Variants in RNF144A observed in about 807,000 individuals in gnomAD.
RNF144A encodes the protein E3 ubiquitin-protein ligase RNF144A.
In RNF144A, 11 loss-of-function variants were observed where a neutral mutation model predicts 38.7. That is an observed-to-expected ratio of 0.28 (90% CI 0.18 to 0.47). The LOEUF is 0.47. Ranked by LOEUF, RNF144A falls within the 20% of genes least tolerant of loss-of-function variation. The pLI, the probability that RNF144A is intolerant of heterozygous loss-of-function variation, is 0.99. For synonymous variants in RNF144A, 149 were observed against 143.9 expected, an observed-to-expected ratio of 1.04 and a Z score of -0.25; for missense variants, 316 against 377.2, an observed-to-expected ratio of 0.84 and a Z score of 1.34.
At chr2:7,053,700 A>G (rs1673615849) in intron 6 of RNF144A, among the ~76,000 whole-genome samples, 1 of 152,240 alleles carries the variant, frequency 6.6e-6, no homozygotes, top group African/African-American at 2.4e-5. Context: ...GTTTTTGTGT[A>G]TATGTATACA....
chr2:6,922,916 G>A (rs771280), intron 1 of RNF144A, among the ~76,000 whole-genome samples: 30,826 of 152,052 alleles, frequency 0.2, 3,545 homozygotes, highest in Non-Finnish European at 0.25. Context: ...GAGCCACCGC[G>A]CCCGGCCTCC....
chr2:6,947,068 T>A (rs1308678362), intron 2 of RNF144A, among the ~76,000 whole-genome samples: 5 of 152,174 alleles, frequency 3.3e-5, no homozygotes, highest in African/African-American at 1.2e-4. Context: ...TCTGTGTATG[T>A]ATGTGAACAA....
intron 3 of RNF144A, among the ~76,000 whole-genome samples, chr2:7,003,108 C>T (rs182318102): frequency 6.0e-5 from 9 of 149,700 alleles, no homozygotes; most frequent in Admixed American, 5.3e-4. Flanking sequence ...TATATATACA[C>T]ATATATATAT....
intron 3 of RNF144A, among the ~76,000 whole-genome samples, chr2:7,005,904 C>T (rs1670408557): frequency 6.7e-6 from 1 of 149,414 alleles, no homozygotes; most frequent in Admixed American, 6.7e-5. Context: ...CTGCTCCTTG[C>T]ATATCTGCCA....
chr2:7,008,187 G>C (rs1056144489), intron 3 of RNF144A, among the ~76,000 whole-genome samples: 1 of 152,246 alleles, frequency 6.6e-6, no homozygotes. Flanking sequence ...TGCCTCTTTG[G>C]CTGCCGCCCA....
At chr2:7,004,251 G>T (rs1347221296) in intron 3 of RNF144A, among the ~76,000 whole-genome samples, 1 of 152,260 alleles carries the variant, frequency 6.6e-6, no homozygotes, top group African/African-American at 2.4e-5. Context: ...CACTGTGGTA[G>T]CAAAATGGTG....
intron 2 of RNF144A, among the ~76,000 whole-genome samples, chr2:6,964,389 A>G (rs1161772287): frequency 1.3e-5 from 2 of 152,088 alleles, no homozygotes; most frequent in Non-Finnish European, 2.9e-5. Flanking sequence ...AAATTAGTTC[A>G]ACCCTTGTGG....
At chr2:6,959,538 C>T (rs536426161) in intron 2 of RNF144A, among the ~76,000 whole-genome samples, 5 of 152,194 alleles carry the variant, frequency 3.3e-5, no homozygotes, top group South Asian at 2.1e-4. Flanking sequence ...CTGGGAAGTC[C>T]GGGATCAGGT....
At chr2:7,061,912 C>A (rs1261331599) in intron 6 of RNF144A, among the ~76,000 whole-genome samples, 2 of 152,062 alleles carry the variant, frequency 1.3e-5, no homozygotes, top group Non-Finnish European at 2.9e-5. Flanking sequence ...TACTCTGATA[C>A]ACAGAAAAGA....
chr2:6,924,572 G>A (rs911967661), intron 1 of RNF144A, among the ~76,000 whole-genome samples: 17 of 152,320 alleles, frequency 1.1e-4, no homozygotes, highest in African/African-American at 4.1e-4. Context: ...TTGTTCTGGA[G>A]GATGCTGAGG....
At chr2:7,053,239 C>G (rs1180809658) in intron 6 of RNF144A, among the ~76,000 whole-genome samples, 2 of 152,218 alleles carry the variant, frequency 1.3e-5, no homozygotes, top group East Asian at 3.8e-4. Context: ...TAAATGTAGA[C>G]TCTCAGCCCC....
intron 2 of RNF144A, among the ~76,000 whole-genome samples, chr2:6,977,191 T>C (rs530107854): frequency 2.0e-5 from 3 of 152,384 alleles, no homozygotes; most frequent in East Asian, 3.8e-4. Flanking sequence ...GTTGATTTTA[T>C]AGGTGGAAAA....
At position 7,030,217 on chromosome 2, in the gene RNF144A, TAGG is replaced by T. The variant is rs1672195634; in HGVS notation, c.747+6_747+8del. The T allele has an allele frequency of 1.2e-6, 2 of 1,605,632 alleles. No homozygotes were observed. Among genetic ancestry groups the T allele is most frequent in the Non-Finnish European group, 1.7e-6 (2 of 1,174,332 alleles). On this transcript the variant is annotated splice_donor_5th_base_variant and intron_variant, in intron 8 of 8. Coordinates refer to ENST00000320892, the MANE Select transcript of RNF144A (RefSeq NM_014746.6). ...TCTGTGATCTGGCATCGGACACAGG[TAGG>T]AGGTGATTTGCCTGGAAGGTTGATC...
intron 2 of RNF144A, among the ~76,000 whole-genome samples, chr2:6,987,299 G>A (rs958955067): frequency 1.3e-4 from 20 of 152,214 alleles, no homozygotes; most frequent in African/African-American, 4.1e-4. Flanking sequence ...GGAAGGAGGC[G>A]TCTCGGGGCC....
intron 7 of RNF144A, among the ~76,000 whole-genome samples, chr2:7,029,034 C>T (rs1672103307): frequency 6.6e-6 from 1 of 152,240 alleles, no homozygotes; most frequent in South Asian, 2.1e-4. Context: ...CTGCAGCCCC[C>T]AAACTGTCTT....
intron 6 of RNF144A, among the ~76,000 whole-genome samples, chr2:7,051,001 A>C (rs1293433512): frequency 6.6e-6 from 1 of 152,188 alleles, no homozygotes; most frequent in Admixed American, 6.5e-5. Context: ...CCTTTTCTTC[A>C]TCAGTGCCTT....
intron 1 of RNF144A, among the ~76,000 whole-genome samples, chr2:6,922,718 G>C (rs1380427922): frequency 6.6e-6 from 1 of 151,154 alleles, no homozygotes; most frequent in African/African-American, 2.4e-5. Context: ...TCCGCCTCCT[G>C]GGTTCACGCC....
Sources: allele counts gnomAD v4.1 joint callset (sites outside exome capture counted in the v4.1 genomes callset), GRCh38; gene constraint gnomAD v4.1.1; transcripts MANE v1.5; gene names NCBI Gene and HGNC (gene_info 2026-07-23, HGNC 2026-07-21).